The following ELOVL6 variants were observed in gnomAD, a reference collection of about 807,000 sequenced individuals.
ELOVL6 encodes the protein ELOVL fatty acid elongase 6.
A neutral mutation model predicts 31.7 loss-of-function variants in ELOVL6; 8 were observed. The observed-to-expected ratio is 0.25, with a 90% CI of 0.15 to 0.45. The LOEUF is 0.45. Ranked by LOEUF, ELOVL6 falls within the 20% of genes least tolerant of loss-of-function variation. ELOVL6 has a pLI of 1.00. For synonymous variants in ELOVL6, 101 were observed against 117.7 expected (o/e 0.86, Z 0.92); for missense variants, 126 against 326.4 (o/e 0.39, Z 4.73).
chr4:110,124,970 G>A (rs1016612527), intron 1 of ELOVL6, among the ~76,000 whole-genome samples: 1 of 152,004 alleles, frequency 6.6e-6, no homozygotes, highest in Admixed American at 6.6e-5. Context: ...TGAAGGACAA[G>A]GCACAAGTGA....
At chr4:110,170,433 C>T (rs762796216) in intron 1 of ELOVL6, among the ~76,000 whole-genome samples, 1 of 152,220 alleles carries the variant, frequency 6.6e-6, no homozygotes, top group Non-Finnish European at 1.5e-5. Flanking sequence ...AATCAATACT[C>T]ATAGTACTTT....
intron 1 of ELOVL6, among the ~76,000 whole-genome samples, chr4:110,157,288 T>C (rs1416597237): frequency 6.6e-6 from 1 of 152,132 alleles, no homozygotes; most frequent in Non-Finnish European, 1.5e-5. Context: ...GAAGCAAAAA[T>C]AGTTATTCCA....
At chr4:110,098,105 T>C (rs1756640471) in intron 2 of ELOVL6, among the ~76,000 whole-genome samples, 1 of 152,160 alleles carries the variant, frequency 6.6e-6, no homozygotes, top group African/African-American at 2.4e-5. Flanking sequence ...TTAACCGTGA[T>C]AGATTCTTCA....
At chr4:110,101,168 T>C (rs1756729698) in intron 2 of ELOVL6, among the ~76,000 whole-genome samples, 17 of 151,982 alleles carry the variant, frequency 1.1e-4, no homozygotes, top group Admixed American at 1.1e-3. Flanking sequence ...GCCTCCCGAG[T>C]AGCTAGGATT....
At chr4:110,187,294 G>GT (rs1759478911) in intron 1 of ELOVL6, among the ~76,000 whole-genome samples, 1 of 151,646 alleles carries the variant, frequency 6.6e-6, no homozygotes, top group Non-Finnish European at 1.5e-5. Context: ...AGTATCTATT[G>GT]TTTCAGTCCT....
chr4:110,173,355 C>G (rs993808861), intron 1 of ELOVL6, among the ~76,000 whole-genome samples: 1 of 152,064 alleles, frequency 6.6e-6, no homozygotes, highest in African/African-American at 2.4e-5. Flanking sequence ...GTTTATGTCA[C>G]TAGTGATACC....
chr4:110,067,936 T>A (rs534097859), intron 2 of ELOVL6, among the ~76,000 whole-genome samples: 91 of 152,278 alleles, frequency 6.0e-4, no homozygotes, highest in Non-Finnish European at 1.1e-3. Flanking sequence ...TTTTTTAATT[T>A]AAAAAAATGA....
At chr4:110,163,971 T>C (rs1257798419) in intron 1 of ELOVL6, among the ~76,000 whole-genome samples, 1 of 152,208 alleles carries the variant, frequency 6.6e-6, no homozygotes, top group African/African-American at 2.4e-5. Flanking sequence ...ATGACATTTC[T>C]GAATGTGTAA....
rs368696384 is a variant in ELOVL6, at chr4:110,131,544, A to G, written c.90-25916T>C. On this transcript the variant is annotated intron_variant, in intron 1 of 3. Transcript: ENST00000302274. ...ATTCAAAAACATTTACTCAATATCT[A>G]TAATATTCATAAACATCACCTAGTT... is the stretch of plus-strand genomic sequence containing the variant. 3.3e-5 allele frequency among the ~76,000 whole-genome samples: 5 copies of G among 152,046 alleles called. No homozygotes were observed. In the South Asian group the frequency reaches 1.0e-3, roughly 32 times the overall value.
At chr4:110,076,846 G>A (rs1267128620) in intron 2 of ELOVL6, among the ~76,000 whole-genome samples, 1 of 152,182 alleles carries the variant, frequency 6.6e-6, no homozygotes, top group Non-Finnish European at 1.5e-5. Flanking sequence ...TCAAAGAAAG[G>A]GGTGACAGAC....
At chr4:110,127,902 C>G (rs1219022041) in intron 1 of ELOVL6, among the ~76,000 whole-genome samples, 2 of 151,914 alleles carry the variant, frequency 1.3e-5, no homozygotes, top group African/African-American at 4.8e-5. Flanking sequence ...ATCAGAAAAG[C>G]AGGGGACTAA....
chr4:110,084,351 G>A (rs1756109428), intron 2 of ELOVL6, among the ~76,000 whole-genome samples: 1 of 109,110 alleles, frequency 9.2e-6, no homozygotes, highest in South Asian at 2.9e-4. Context: ...TATGATATAT[G>A]ATATATACCG....
At chr4:110,091,823 C>T (rs953961413) in intron 2 of ELOVL6, among the ~76,000 whole-genome samples, 4 of 152,144 alleles carry the variant, frequency 2.6e-5, no homozygotes, top group African/African-American at 7.2e-5. Flanking sequence ...AAAATCGTTG[C>T]TTTATAAAGT....
chr4:110,140,080 C>T (rs2126260795), intron 1 of ELOVL6, among the ~76,000 whole-genome samples: 1 of 152,338 alleles, frequency 6.6e-6, no homozygotes, highest in South Asian at 2.1e-4. Flanking sequence ...TCTCAGGTTG[C>T]CGCTGGCTTT....
At chr4:110,155,011 C>T (rs9993735) in intron 1 of ELOVL6, among the ~76,000 whole-genome samples, 3,275 of 152,202 alleles carry the variant, frequency 0.022, 117 homozygotes, top group African/African-American at 0.073. Context: ...ATTTTAAGCA[C>T]GTTAGGCACT....
intron 1 of ELOVL6, among the ~76,000 whole-genome samples, chr4:110,155,989 T>C (rs1319119691): frequency 6.6e-6 from 1 of 152,186 alleles, no homozygotes; most frequent in Non-Finnish European, 1.5e-5. Flanking sequence ...GAAAAAGACA[T>C]TTTGCAAACT....
chr4:110,198,506 C>T lies in ELOVL6; in HGVS notation c.-171G>A, dbSNP rs920981487. The T allele has an allele frequency of 3.5e-6, 2 of 569,822 alleles. No homozygotes were observed. Among genetic ancestry groups the T allele is most frequent in the African/African-American group, 1.9e-5 (1 of 52,126 alleles). 35.3% of individuals were successfully genotyped at this position (569,822 alleles called of 1,614,324 possible). ...CTTCTCCCAGCCTCTCAGCTACATC[C>T]AGGGCTGAGCATTGCCTGCGCCTCC... On this transcript the variant is annotated 5_prime_UTR_variant, in exon 1 of 4. Coordinates refer to ENST00000302274, the MANE Select transcript of ELOVL6 (RefSeq NM_024090.3).
At chr4:110,158,655 A>ATG (rs1365076499) in intron 1 of ELOVL6, among the ~76,000 whole-genome samples, 1 of 76,200 alleles carries the variant, frequency 1.3e-5, no homozygotes, top group Non-Finnish European at 2.3e-5. Flanking sequence ...ATATATATAT[A>ATG]TATTTTTTTT....
intron 1 of ELOVL6, among the ~76,000 whole-genome samples, chr4:110,185,195 T>C (rs1759402903): frequency 6.6e-6 from 1 of 152,136 alleles, no homozygotes; most frequent in African/African-American, 2.4e-5. Flanking sequence ...ATATCAGCAA[T>C]CACAAAATAC....
Sources: gnomAD v4.1 joint callset for allele counts (sites outside exome capture counted in the v4.1 genomes callset) on GRCh38, gnomAD v4.1.1 for gene constraint, MANE v1.5 for transcripts, NCBI Gene and HGNC (gene_info 2026-07-23, HGNC 2026-07-21) for gene names.